The following SEC23A variants were observed in gnomAD, a reference collection of about 807,000 sequenced individuals.
The protein encoded by SEC23A is SEC23 homolog A, COPII component.
SEC23A carries 56 observed loss-of-function variants against 103.7 expected under a neutral mutation model. The ratio of observed to expected loss-of-function variants is 0.54; its 90% CI spans 0.44 to 0.67. The LOEUF (loss-of-function observed/expected upper bound fraction) is 0.67. Among genes scored for constraint, SEC23A ranks in the 30% least tolerant of loss-of-function variants. SEC23A has a pLI of 0.00. For missense variants in SEC23A, 784 were observed against 936.4 expected (o/e 0.84, Z 2.12); for synonymous variants, 281 against 293.0 (o/e 0.96, Z 0.42).
At chr14:39,035,442 T>C (rs1350289623) in intron 19 of SEC23A, among the ~76,000 whole-genome samples, 1 of 152,198 alleles carries the variant, frequency 6.6e-6, no homozygotes, top group African/African-American at 2.4e-5. Flanking sequence ...TGAAAACTAA[T>C]AGCTAACATT....
Position 39,085,878 on chromosome 14 carries a change from T to G in SEC23A, c.712A>C (p.Met238Leu). The change falls in exon 7 of 20, where the codon ATG becomes CTG. Residue 238 changes from methionine to leucine, a missense_variant. Met to Leu is a conservative substitution (Grantham distance 15). Around this residue, in one of 2 missense-constraint regions of SEC23A, gnomAD observed 683 missense variants for 774.2 expected, o/e 0.88. Coordinates refer to ENST00000307712, the MANE Select transcript of SEC23A (RefSeq NM_006364.4). The part of the protein sequence containing the change: ...RFLQPVQKID[M>L]NLTDLLGELQ... ...TCTCCCAGAAGATCTGTGAGATTCA[T>G]GTCTATTTTCTGTACTGGTTGTAAG... The G allele has an allele frequency of 6.2e-7, 1 of 1,613,774 alleles. No homozygotes were observed. The highest frequency in any genetic ancestry group is 8.5e-7 in the Non-Finnish European group (1 of 1,179,632).
At chr14:39,101,122 G>A (rs1258239070) in intron 1 of SEC23A, among the ~76,000 whole-genome samples, 1 of 152,158 alleles carries the variant, frequency 6.6e-6, no homozygotes, top group Non-Finnish European at 1.5e-5. Flanking sequence ...GGGATTACAG[G>A]CGTAAACTGC....
At chr14:39,095,094 T>C (rs928041965) in intron 2 of SEC23A, 2 of 665,104 alleles carry the variant, frequency 3.0e-6, no homozygotes, top group Non-Finnish European at 5.4e-6. Context: ...TGTGGTATCT[T>C]GAAGCAGGGT....
Position 39,069,545 on chromosome 14 carries a change from G to A in SEC23A, c.1104-2249C>T, listed in dbSNP as rs193062210. 1.8e-3 allele frequency among the ~76,000 whole-genome samples: 274 copies of A among 151,972 alleles called. 1 individual carries two copies. The highest frequency in any genetic ancestry group is 1.7e-3 in the Non-Finnish European group (115 of 67,958). On this transcript the variant is annotated intron_variant, in intron 9 of 19. Transcript: ENST00000307712. ...TGCGATCATGGCTCACCACAGCCTC[G>A]ACTTCCCAAGCTCCAGCAATCCTCC...
chr14:39,075,321 T>C (rs978336857), intron 8 of SEC23A, among the ~76,000 whole-genome samples: 1 of 152,134 alleles, frequency 6.6e-6, no homozygotes, highest in Non-Finnish European at 1.5e-5. Flanking sequence ...AATTATGTCA[T>C]AAATTACTTT....
chr14:39,076,074 C>T lies in SEC23A; in HGVS notation c.848G>A (p.Gly283Asp), dbSNP rs138260001. Residue 283 changes from glycine (G) to aspartate (D), a missense_variant, in exon 8 of 20, where the codon GGT (glycine) becomes GAT (aspartate). By Grantham distance (94) the Gly-to-Asp change is moderately conservative. Coordinates refer to ENST00000307712, the MANE Select transcript of SEC23A (RefSeq NM_006364.4). Reference sequence around the variant, plus strand: ...ACCAATGAACATCATGATACGAGCACCAGTGTTGGGAAAAGTACACTATTA... The same window carrying T: ...ACCAATGAACATCATGATACGAGCATCAGTGTTGGGAAAAGTACACTATTA... ...GLLECTFPNTGARIMMFIGGP... is the reference protein window; with the variant it reads ...GLLECTFPNTDARIMMFIGGP... The T allele has an allele frequency of 6.2e-7, 1 of 1,612,340 alleles. No homozygotes were observed. The highest frequency in any genetic ancestry group is 8.5e-7 in the Non-Finnish European group (1 of 1,179,274).
At chr14:39,091,742 A>G (rs199645125) in intron 4 of SEC23A, 29 bp from the exon 5 acceptor site, 20 of 1,480,132 alleles carry the variant, frequency 1.4e-5, no homozygotes, top group Non-Finnish European at 1.6e-5. Flanking sequence ...AAAAGAAAAA[A>G]TATGTAGTTT....
intron 15 of SEC23A, among the ~76,000 whole-genome samples, chr14:39,045,909 CCCCA>C (rs3064943): frequency 0.69 from 104,930 of 151,434 alleles, 36,633 homozygotes; most frequent in African/African-American, 0.71. Context: ...TTGGCTACAT[CCCCA>C]CCCACCCACA....
intron 19 of SEC23A, among the ~76,000 whole-genome samples, chr14:39,035,937 T>G (rs1381965390): frequency 2.0e-5 from 3 of 152,136 alleles, no homozygotes; most frequent in African/African-American, 7.2e-5. Context: ...AAACTCATTT[T>G]GAAAATCCCC....
At chr14:39,090,996 T>C in intron 5 of SEC23A, 1 of 369,578 alleles carries the variant, frequency 2.7e-6, no homozygotes, top group South Asian at 2.2e-5. Flanking sequence ...CAGAAGGTCC[T>C]GCCCCCACCA....
chr14:39,033,305 T>G lies in SEC23A; in HGVS notation c.2232A>C (p.Thr744=). The G allele has an allele frequency of 3.1e-6, 5 of 1,610,606 alleles. No homozygotes were observed. The highest frequency in any genetic ancestry group is 4.2e-6 in the Non-Finnish European group (5 of 1,178,518). Residue 744 remains threonine (T), a synonymous_variant, in exon 20 of 20, where the codon ACA becomes ACC. Transcript: ENST00000307712. Reference sequence around the variant, plus strand: ...TAAACACTTGTAAACTAACATCATCTGTAAGAATAGGTGCTCCAGACTCCT... The same window carrying G: ...TAAACACTTGTAAACTAACATCATCGGTAAGAATAGGTGCTCCAGACTCCT... ...WGQESGAPIL[T]DDVSLQVFMD...
rs1422210660 is a variant in SEC23A at position 39,103,204 on chromosome 14, C to G, written c.-194G>C. 1 of 152,442 alleles carries G rather than the reference C, an allele frequency of 6.6e-6. No homozygotes were observed. Among genetic ancestry groups the G allele is most frequent in the East Asian group, 1.9e-4 (1 of 5,186 alleles). The allele number at this position is 152,442 out of a possible 1,614,324, so 9.4% of individuals were successfully genotyped here. A position where few individuals can be genotyped will look rare whatever the true frequency, so the allele number is the denominator to read the frequency against. On this transcript the variant is annotated 5_prime_UTR_variant, in exon 1 of 20. Coordinates refer to ENST00000307712, the MANE Select transcript of SEC23A (RefSeq NM_006364.4). Reference sequence around the variant, plus strand: ...CCCGGGCCTCAGCGAAGACCTCCGCCCGGCCAACATGGCTGGCGCCGCCTC... The same window carrying G: ...CCCGGGCCTCAGCGAAGACCTCCGCGCGGCCAACATGGCTGGCGCCGCCTC...
Position 39,047,427 on chromosome 14 carries a change from G to C in SEC23A, c.1737+1225C>G, listed in dbSNP as rs548361096. Reference sequence around the variant, plus strand: ...CCAGGATCTCACCAGAGGTTTTAGGGAAGTCTCTCCTCTGTAAGCATGGAG... The same window carrying C: ...CCAGGATCTCACCAGAGGTTTTAGGCAAGTCTCTCCTCTGTAAGCATGGAG... On this transcript the variant is annotated intron_variant, in intron 15 of 19. Transcript: ENST00000307712. 8.5e-6 allele frequency: 11 copies of C among 1,287,734 alleles called. No homozygotes were observed. In the Admixed American group the frequency reaches 1.8e-4, roughly 22 times the overall value. 79.8% of individuals were successfully genotyped at this position (1,287,734 alleles called of 1,614,324 possible).
intron 14 of SEC23A, among the ~76,000 whole-genome samples, chr14:39,053,085 AG>A (rs1297210402): frequency 1.3e-5 from 2 of 152,212 alleles, no homozygotes; most frequent in African/African-American, 4.8e-5. Flanking sequence ...CAGTGAGCCA[AG>A]GTTGCACCAC....
chr14:39,079,674 T>C lies in SEC23A; in HGVS notation c.829-3581A>G, dbSNP rs185761110. On this transcript the variant is annotated intron_variant, in intron 7 of 19. Transcript: ENST00000307712. ...TGTCTCTACTAAAAATACAAAAAAT[T>C]AGCCAGGCGGGGTGGCGGGTACCTA... Among the ~76,000 whole-genome samples, 32 of 152,102 alleles carry C rather than the reference T, an allele frequency of 2.1e-4. No individual in the cohort carries two copies. The East Asian group carries it at 2.9e-3, about 14-fold the overall frequency.
intron 1 of SEC23A, among the ~76,000 whole-genome samples, chr14:39,096,697 CTTAT>C (rs1887905125): frequency 6.6e-6 from 1 of 152,076 alleles, no homozygotes; most frequent in Non-Finnish European, 1.5e-5. Flanking sequence ...AAAATAGTGT[CTTAT>C]TTCTTTAAGG....
chr14:39,069,650 G>A (rs1886779526), intron 9 of SEC23A, among the ~76,000 whole-genome samples: 1 of 151,844 alleles, frequency 6.6e-6, no homozygotes, highest in Non-Finnish European at 1.5e-5. Context: ...GGTAGAGACA[G>A]GGTTTCACCA....
intron 9 of SEC23A, among the ~76,000 whole-genome samples, chr14:39,073,903 C>G (rs1160717977): frequency 1.3e-5 from 2 of 152,062 alleles, no homozygotes; most frequent in African/African-American, 4.8e-5. Flanking sequence ...CCACCACACC[C>G]AGCCTCTGAT....
chr14:39,060,156 C>T (rs1286353811), intron 13 of SEC23A, among the ~76,000 whole-genome samples: 1 of 151,932 alleles, frequency 6.6e-6, no homozygotes, highest in Admixed American at 6.6e-5. Context: ...GAGAAGTTTG[C>T]CAAGCATCAG....
Sources: gnomAD v4.1 joint callset for allele counts (sites outside exome capture counted in the v4.1 genomes callset) on GRCh38, gnomAD v4.1.1 for gene constraint, gnomAD v4.1.1 regional missense constraint, MANE v1.5 for transcripts, NCBI Gene and HGNC (gene_info 2026-07-23, HGNC 2026-07-21) for gene names.